Variants in DHX33 observed in about 807,000 individuals in gnomAD.
DHX33 encodes ATP-dependent RNA helicase DHX33.
DHX33 carries 42 observed loss-of-function variants against 72.5 expected under a neutral mutation model. The ratio of observed to expected loss-of-function variants is 0.58; its 90% confidence interval spans 0.45 to 0.75. The LOEUF (loss-of-function observed/expected upper bound fraction) is 0.75. DHX33 is among the 30% of genes least tolerant of loss of function. DHX33 has a pLI of 0.00. For synonymous variants in DHX33, 358 were observed against 366.1 expected, an observed-to-expected ratio of 0.98 and a Z score of 0.25; for missense variants, 842 against 917.5, an observed-to-expected ratio of 0.92 and a Z score of 1.06.
chr17:5,453,876 A>G lies in DHX33; in HGVS notation c.1252T>C (p.Tyr418His). Reference protein sequence around the residue: ...REDSGICYRLYTEDEFEKFDK... With the variant: ...REDSGICYRLHTEDEFEKFDK... The stretch of plus-strand genomic sequence containing the variant: ...AACTTCTCAAACTCGTCCTCCGTGT[A>G]GAGCCGGTAGCAGATGCCACTGTCC... Residue 418 changes from tyrosine to histidine, a missense_variant, in exon 7 of 12, where the codon TAC (tyrosine) becomes CAC (histidine). Coordinates refer to ENST00000225296, the MANE Select transcript of DHX33 (RefSeq NM_020162.4). 6.2e-7 allele frequency: 1 copy of G among 1,614,136 alleles called. No homozygotes were observed. The highest frequency in any genetic ancestry group is 8.5e-7 in the Non-Finnish European group (1 of 1,180,014).
Position 5,453,828 on chromosome 17 carries a change from T to C in DHX33, c.1300A>G (p.Ile434Val). Residue 434 changes from isoleucine (I) to valine (V), a missense_variant, in exon 7 of 12, where the codon ATC becomes GTC. Coordinates refer to ENST00000225296, the MANE Select transcript of DHX33 (RefSeq NM_020162.4). ...EKFDKMTVPE[I>V]QRCNLASVML... is the part of the protein sequence containing the mutation. ...GGAGCAACTGGTGCCTACCTCTGGA[T>C]CTCTGGCACGGTCATCTTATCAAAC... 6.2e-7 allele frequency: 1 copy of C among 1,613,984 alleles called. No individual in the cohort carries two copies.
intron 4 of DHX33, among the ~76,000 whole-genome samples, chr17:5,460,501 T>C: frequency 6.6e-6 from 1 of 151,518 alleles, no homozygotes; most frequent in South Asian, 2.1e-4. Context: ...TCCTTATTCA[T>C]TGTTTTTTTT....
intron 10 of DHX33, among the ~76,000 whole-genome samples, chr17:5,449,869 G>A (rs771593628): frequency 3.3e-5 from 5 of 152,194 alleles, no homozygotes; most frequent in African/African-American, 4.8e-5. Flanking sequence ...ATTAAGAAGT[G>A]CTTAGCATGG....
chr17:5,456,855 C>T (rs374251178), intron 4 of DHX33, among the ~76,000 whole-genome samples: 2 of 152,170 alleles, frequency 1.3e-5, no homozygotes, highest in African/African-American at 2.4e-5. Flanking sequence ...GGAGAAGGAG[C>T]CTTTAATGAA....
intron 1 of DHX33, among the ~76,000 whole-genome samples, chr17:5,467,165 G>A (rs1375559543): frequency 6.6e-6 from 1 of 152,138 alleles, no homozygotes; most frequent in Admixed American, 6.5e-5. Context: ...ATCATAGCAT[G>A]GGTCATCCCA....
At chr17:5,455,076 C>T (rs1008396379) in intron 6 of DHX33, 84 bp downstream of exon 6, 4 of 1,235,454 alleles carry the variant, frequency 3.2e-6, no homozygotes, top group South Asian at 1.3e-5. Context: ...AAACATGAAA[C>T]ACTCAGGGGA....
chr17:5,453,823 C>T lies in DHX33; in HGVS notation c.1305G>A (p.Gln435=). ...GTGCAGGAGCAACTGGTGCCTACCT[C>T]TGGATCTCTGGCACGGTCATCTTAT... ...KFDKMTVPEI[Q]RCNLASVMLQ... The change falls in exon 7 of 12, where the codon CAG becomes CAA. Residue 435 remains glutamine, a splice_region_variant and synonymous_variant. Transcript: ENST00000225296. 1.2e-6 allele frequency: 2 copies of T among 1,613,952 alleles called. No individual in the cohort carries two copies. The highest frequency in any genetic ancestry group is 1.7e-6 in the Non-Finnish European group (2 of 1,179,880).
intron 8 of DHX33, among the ~76,000 whole-genome samples, chr17:5,451,525 A>G (rs1916913803): frequency 1.3e-5 from 2 of 152,192 alleles, no homozygotes; most frequent in Admixed American, 6.5e-5. Flanking sequence ...CTGCAGATAC[A>G]CATCGCACAG....
In DHX33 at chr17:5,467,074, G is replaced by C. The variant is rs60058449; in HGVS notation, c.289+1497C>G. Among the ~76,000 whole-genome samples, 344 of 152,222 alleles carry C rather than the reference G, an allele frequency of 2.3e-3. 1 individual carries two copies. Among genetic ancestry groups the C allele is most frequent in the African/African-American group, 7.8e-3 (324 of 41,522 alleles). On this transcript the variant is annotated intron_variant, in intron 1 of 11. Coordinates refer to ENST00000225296, the MANE Select transcript of DHX33 (RefSeq NM_020162.4). ...CAACCAATCGGGCCTAGTAAAAAGC[G>C]CTGCTAAAAAACGTAAAGAAAAGGC...
rs138743869 is a variant in DHX33, at chr17:5,460,451, T to C, written c.849+488A>G. Among the ~76,000 whole-genome samples the C allele has an allele frequency of 4.4e-3, 672 of 152,190 alleles. 6 individuals carry two copies. The highest frequency in any genetic ancestry group is 0.015 in the African/African-American group (633 of 41,530). On this transcript the variant is annotated intron_variant, in intron 4 of 11. Coordinates refer to ENST00000225296, the MANE Select transcript of DHX33 (RefSeq NM_020162.4). The stretch of plus-strand genomic sequence containing the variant: ...TTCTTTTCAATGAAAATTAGAGATA[T>C]CATAAATAAAGGATAAAAATCCAGA...
At chr17:5,468,094 T>C (rs774441649) in intron 1 of DHX33, among the ~76,000 whole-genome samples, 8 of 152,272 alleles carry the variant, frequency 5.3e-5, no homozygotes, top group South Asian at 4.1e-4. Context: ...CTCTAACACG[T>C]TGGGGATCAT....
intron 11 of DHX33, among the ~76,000 whole-genome samples, chr17:5,445,244 A>G (rs1405018862): frequency 6.6e-6 from 1 of 151,596 alleles, no homozygotes; most frequent in Non-Finnish European, 1.5e-5. Flanking sequence ...ACGCCTGGCT[A>G]ATTTTTGTAT....
In DHX33 at chr17:5,463,683, G is replaced by A. The variant is rs759543627; in HGVS notation, c.296C>T (p.Thr99Ile). Residue 99 changes from threonine (T) to isoleucine (I), a missense_variant, in exon 2 of 12, where the codon ACT (threonine) becomes ATT (isoleucine). By Grantham distance (89) the Thr-to-Ile change is moderately conservative. Coordinates refer to ENST00000225296, the MANE Select transcript of DHX33 (RefSeq NM_020162.4). ...GATCTGAGTTGTCTTCCCAGAGCCA[G>A]TTTCCCCTAGGAGAGAGGGGGAAAA... is the stretch of plus-strand genomic sequence containing the variant. ...NLDNAVLIGE[T>I]GSGKTTQIPQ... The A allele has an allele frequency of 6.2e-7, 1 of 1,603,248 alleles. No homozygotes were observed. The highest frequency in any genetic ancestry group is 8.5e-7 in the Non-Finnish European group (1 of 1,176,496).
intron 1 of DHX33, among the ~76,000 whole-genome samples, chr17:5,465,019 T>C (rs562648579): frequency 1.4e-4 from 22 of 152,338 alleles, no homozygotes; most frequent in African/African-American, 5.3e-4. Context: ...GTGTCCGTCC[T>C]CCTCCAACAC....
intron 11 of DHX33, among the ~76,000 whole-genome samples, chr17:5,447,371 T>C (rs906292623): frequency 6.6e-6 from 1 of 151,854 alleles, no homozygotes; most frequent in Admixed American, 6.6e-5. Context: ...TACAAAAAAT[T>C]AGGCCGGGCG....
intron 1 of DHX33, among the ~76,000 whole-genome samples, chr17:5,465,706 G>A (rs1904851813): frequency 6.6e-6 from 1 of 152,152 alleles, no homozygotes; most frequent in Non-Finnish European, 1.5e-5. Flanking sequence ...AGTTTATAGT[G>A]TAGCCGAAAT....
intron 6 of DHX33, 42 bp downstream of exon 6, chr17:5,455,118 C>T (rs750538236): frequency 2.0e-6 from 3 of 1,524,486 alleles, no homozygotes; most frequent in Non-Finnish European, 2.7e-6. Context: ...AGTGGCTGCT[C>T]ACTAGACACA....
chr17:5,463,077 CA>C (rs971085917), intron 2 of DHX33, among the ~76,000 whole-genome samples: 114 of 132,188 alleles, frequency 8.6e-4, no homozygotes, highest in South Asian at 9.7e-4. Flanking sequence ...AGACTATCTC[CA>C]AAAAAAAAAA....
chr17:5,442,567 G>A lies in DHX33; in HGVS notation c.*1638C>T, dbSNP rs2151680030. 6.6e-6 allele frequency: 1 copy of A among 152,226 alleles called. No homozygotes were observed. The highest frequency in any genetic ancestry group is 2.1e-4 in the South Asian group (1 of 4,826). The allele number at this position is 152,226 out of a possible 1,614,324, so 9.4% of individuals were successfully genotyped here. ...CTGCACAGGACCACGGCTAGTGTTG[G>A]AAATAAAGACTGAGCCGGACTTGAC... On this transcript the variant is annotated 3_prime_UTR_variant, in exon 12 of 12. Transcript: ENST00000225296.
Sources: gnomAD v4.1 joint callset for allele counts (sites outside exome capture counted in the v4.1 genomes callset) on GRCh38, gnomAD v4.1.1 for gene constraint, MANE v1.5 for transcripts, NCBI Gene and HGNC (gene_info 2026-07-23, HGNC 2026-07-21) for gene names.